The following VIRMA variants were observed in gnomAD, a reference collection of about 807,000 sequenced individuals.
VIRMA encodes the protein protein virilizer homolog.
Under a neutral mutation model 182.4 loss-of-function variants are expected in VIRMA, and 65 were observed. The observed-to-expected ratio is 0.36, with a 90% CI of 0.29 to 0.44. VIRMA has a LOEUF of 0.44. Among genes scored for constraint, VIRMA ranks in the 20% least tolerant of loss-of-function variants. The pLI, the probability that VIRMA is intolerant of heterozygous loss-of-function variation, is 1.00. For missense variants in VIRMA, 1,752 were observed against 2,158.1 expected, an observed-to-expected ratio of 0.81 and a Z score of 3.73; for synonymous variants, 709 against 743.1, an observed-to-expected ratio of 0.95 and a Z score of 0.75.
intron 22 of VIRMA, among the ~76,000 whole-genome samples, chr8:94,491,042 G>A (rs1047048559): frequency 5.3e-5 from 8 of 150,694 alleles, no homozygotes; most frequent in African/African-American, 1.5e-4. Flanking sequence ...GGCTGAGCAC[G>A]GTGGTTCATG....
chr8:94,503,263 A>G (rs577796310), intron 16 of VIRMA, among the ~76,000 whole-genome samples: 2 of 152,356 alleles, frequency 1.3e-5, no homozygotes, highest in South Asian at 2.1e-4. Context: ...TAGTAATTAA[A>G]AATGGGAAAT....
intron 19 of VIRMA, 34 bp from the exon 20 acceptor site, chr8:94,494,990 A>G (rs1404817448): frequency 7.1e-7 from 1 of 1,417,888 alleles, no homozygotes; most frequent in Non-Finnish European, 9.9e-7. Context: ...GAAAAGCAGA[A>G]TTCTAAAATC....
rs746369138 is a variant in VIRMA, at chr8:94,527,154, T to A, written c.1090A>T (p.Ser364Cys). The A allele has an allele frequency of 1.3e-5, 21 of 1,614,058 alleles. No individual in the cohort carries two copies. In the African/African-American group the frequency reaches 2.0e-4, roughly 15 times the overall value. ...TCTGGACCTTGATCCTTCATTCTAC[T>A]GATTTCAATTTCAAAAGTAGTCTTG... ...PYKTTFEIEI[S>C]RMKDQGPDKE... is the part of the protein sequence containing the mutation. Residue 364 changes from serine (S) to cysteine (C), a missense_variant, in exon 8 of 24, where the codon AGT (serine) becomes TGT (cysteine). By Grantham distance (112) the Ser-to-Cys change is moderately radical. Transcript: ENST00000297591.
At chr8:94,538,214 T>C (rs1203350805) in intron 3 of VIRMA, 46 bp downstream of exon 3, 1 of 1,213,202 alleles carries the variant, frequency 8.2e-7, no homozygotes, top group Non-Finnish European at 1.2e-6. Context: ...AAGGTGTTGC[T>C]TACTAACTCA....
chr8:94,490,022 C>T lies in VIRMA; in HGVS notation c.5201G>A (p.Arg1734Gln), dbSNP rs1313830222. ...TCCACGACTTTCATTGTAATTTCCT[C>T]GAGGAGTATTCTGAGCACTCCAACT... ...GSSWSAQNTP[R>Q]GNYNESRGGQ... The change falls in exon 23 of 24, where the codon CGA becomes CAA. Residue 1734 changes from arginine to glutamine, a missense_variant. Around this residue, in one of 11 missense-constraint regions of VIRMA, gnomAD observed 132 missense variants for 173.8 expected, o/e 0.76. Transcript: ENST00000297591. The T allele has an allele frequency of 3.1e-6, 5 of 1,614,020 alleles. No homozygotes were observed. Among genetic ancestry groups the T allele is most frequent in the East Asian group, 2.2e-5 (1 of 44,892 alleles).
rs188628289 is a variant in VIRMA at position 94,511,697 on chromosome 8, C to T, written c.2878G>A (p.Val960Ile). 118 of 1,613,672 alleles carry T rather than the reference C, an allele frequency of 7.3e-5. No homozygotes were observed. In the East Asian group the frequency reaches 2.1e-3, roughly 29 times the overall value. Reference sequence around the variant, plus strand: ...CCTTCAGCAGAAAAAAGCTGAATAACGGCAAGATTCCATTTCAGATCTTTC... The same window carrying T: ...CCTTCAGCAGAAAAAAGCTGAATAATGGCAAGATTCCATTTCAGATCTTTC... ...QQKDLKWNLA[V>I]IQLFSAEGMD... The change falls in exon 13 of 24, where the codon GTT becomes ATT. Residue 960 changes from valine to isoleucine, a missense_variant. Val to Ile is a conservative substitution (Grantham distance 29). This residue lies in a region of VIRMA where 777 missense variants were observed against 920.6 expected (regional missense o/e 0.84). Transcript: ENST00000297591.
chr8:94,512,649 T>C (rs753588945), intron 11 of VIRMA, among the ~76,000 whole-genome samples: 3 of 152,122 alleles, frequency 2.0e-5, no homozygotes, highest in Non-Finnish European at 4.4e-5. Flanking sequence ...TGACGGTGCG[T>C]GCCTATAGTC....
intron 5 of VIRMA, among the ~76,000 whole-genome samples, chr8:94,532,997 A>T (rs189559089): frequency 6.6e-6 from 1 of 152,268 alleles, no homozygotes; most frequent in African/African-American, 2.4e-5. Flanking sequence ...AATTTTTTAA[A>T]TAAAAAGTTA....
At chr8:94,489,009 T>G (rs1813533742) in intron 23 of VIRMA, 149 bp from the exon 24 acceptor site, 1 of 694,368 alleles carries the variant, frequency 1.4e-6, no homozygotes, top group Non-Finnish European at 2.3e-6. Context: ...CCAAAGATTT[T>G]TGAATTATAC....
chr8:94,490,244 G>A (rs1319961833), intron 22 of VIRMA, 162 bp from the exon 23 acceptor site: 2 of 704,580 alleles, frequency 2.8e-6, no homozygotes, highest in Middle Eastern at 3.6e-4. Flanking sequence ...TAAGAGCAGA[G>A]GCTCTAGAGC....
rs574657167 is a variant in VIRMA, at chr8:94,548,286, A to G, written c.64-4344T>C. Among the ~76,000 whole-genome samples, 23 of 151,316 alleles carry G rather than the reference A, an allele frequency of 1.5e-4. No homozygotes were observed. In the East Asian group the frequency reaches 4.4e-3, roughly 29 times the overall value. ...ATAGGTGTATTACTTCTTGATTCAC[A>G]AAGATGTACAACACATTGTTAGGTG... is the stretch of plus-strand genomic sequence containing the variant. On this transcript the variant is annotated intron_variant, in intron 1 of 23. Coordinates refer to ENST00000297591, the MANE Select transcript of VIRMA (RefSeq NM_015496.5).
Position 94,529,353 on chromosome 8 carries a change from G to T in VIRMA, c.608-11C>A, listed in dbSNP as rs1237135833. 1 of 1,485,276 alleles carries T rather than the reference G, an allele frequency of 6.7e-7. No individual in the cohort carries two copies. The highest frequency in any genetic ancestry group is 1.4e-5 in the African/African-American group (1 of 72,352). The allele number at this position is 1,485,276 out of a possible 1,614,324, so 92.0% of individuals were successfully genotyped here. A position where few individuals can be genotyped will look rare whatever the true frequency, so the allele number is the denominator to read the frequency against. On this transcript the variant is annotated splice_polypyrimidine_tract_variant and intron_variant, in intron 6 of 23. Transcript: ENST00000297591. ...CCTTGTCACCAGACACTGAAAAATTGAGATTTAAGGCACAGACTATTTTAA... is the reference window on the plus strand; with the variant it reads ...CCTTGTCACCAGACACTGAAAAATTTAGATTTAAGGCACAGACTATTTTAA...
intron 10 of VIRMA, among the ~76,000 whole-genome samples, chr8:94,515,298 C>T (rs3098715): frequency 0.59 from 89,285 of 151,780 alleles, 26,608 homozygotes; most frequent in East Asian, 0.81. Context: ...GGTTTCACCA[C>T]GTTGGCCAGG....
intron 14 of VIRMA, among the ~76,000 whole-genome samples, 170 bp downstream of exon 14, chr8:94,510,247 G>C (rs1460139597): frequency 1.3e-5 from 2 of 152,032 alleles, no homozygotes; most frequent in Non-Finnish European, 1.5e-5. Flanking sequence ...AATTTTAAAA[G>C]TCTACAAGTA....
In VIRMA at chr8:94,512,095, A is replaced by T; in HGVS notation, c.2752-6T>A. On this transcript the variant is annotated splice_polypyrimidine_tract_variant and splice_region_variant and intron_variant, in intron 11 of 23. Transcript: ENST00000297591. Reference sequence around the variant, plus strand: ...GTCATCAAGTTATCGATATTCTTTAAAAATGAAAATGAACAGAATATTTCG... The same window carrying T: ...GTCATCAAGTTATCGATATTCTTTATAAATGAAAATGAACAGAATATTTCG... 1.4e-6 allele frequency: 2 copies of T among 1,410,350 alleles called. No individual in the cohort carries two copies. The highest frequency in any genetic ancestry group is 1.9e-6 in the Non-Finnish European group (2 of 1,062,502). 87.4% of individuals were successfully genotyped at this position (1,410,350 alleles called of 1,614,324 possible). A position where few individuals can be genotyped will look rare whatever the true frequency, so the allele number is the denominator to read the frequency against.
chr8:94,510,465 A>G lies in VIRMA; in HGVS notation c.3578T>C (p.Leu1193Pro). 1 of 1,614,134 alleles carries G rather than the reference A, an allele frequency of 6.2e-7. No individual in the cohort carries two copies. Among genetic ancestry groups the G allele is most frequent in the Non-Finnish European group, 8.5e-7 (1 of 1,179,986 alleles). ...ATCCAACACAGTTCTCATAATCAGA[A>G]GTGCAGTTGGTGAGGCAAGGTCACA... is the stretch of plus-strand genomic sequence containing the variant. ...QLCDLASPTA[L>P]LIMRTVLDLI... is the part of the protein sequence containing the mutation. Residue 1193 changes from leucine (L) to proline (P), a missense_variant, in exon 14 of 24, where the codon CTT (leucine) becomes CCT (proline). Physicochemically the swap from Leu to Pro is moderately conservative, Grantham distance 98. This residue lies in a region of VIRMA where 777 missense variants were observed against 920.6 expected (regional missense o/e 0.84). Coordinates refer to ENST00000297591, the MANE Select transcript of VIRMA (RefSeq NM_015496.5).
intron 7 of VIRMA, among the ~76,000 whole-genome samples, chr8:94,528,838 A>G (rs1815058004): frequency 6.6e-6 from 1 of 152,250 alleles, no homozygotes; most frequent in Non-Finnish European, 1.5e-5. Flanking sequence ...AAACTGAGAT[A>G]CAGTCAGGCA....
rs533634783 is a variant in VIRMA at position 94,542,961 on chromosome 8, T to A, written c.179+866A>T. On this transcript the variant is annotated intron_variant, in intron 2 of 23. Coordinates refer to ENST00000297591, the MANE Select transcript of VIRMA (RefSeq NM_015496.5). ...TTCACTCTTGTTGCCCAGGCTAGAG[T>A]GCAATGACGCAATCTCAGCTCACCA... 3.9e-5 allele frequency among the ~76,000 whole-genome samples: 6 copies of A among 152,196 alleles called. 1 individual carries two copies. The South Asian group carries it at 1.2e-3, about 32-fold the overall frequency.
intron 2 of VIRMA, among the ~76,000 whole-genome samples, chr8:94,538,987 G>T (rs531255382): frequency 6.6e-6 from 1 of 151,608 alleles, no homozygotes; most frequent in Admixed American, 6.6e-5. Flanking sequence ...CTGTAGCCTC[G>T]AGCTCCCAGA....
Sources: allele counts gnomAD v4.1 joint callset (sites outside exome capture counted in the v4.1 genomes callset), GRCh38; gene constraint gnomAD v4.1.1; regional missense constraint gnomAD v4.1.1; transcripts MANE v1.5; gene names NCBI Gene and HGNC (gene_info 2026-07-23, HGNC 2026-07-21).